MORN1: variants seen among roughly 807,000 people sequenced by gnomAD.
MORN1 encodes MORN repeat-containing protein 1.
MORN1 carries 67 observed loss-of-function variants against 61.9 expected under a neutral mutation model. The ratio of observed to expected loss-of-function variants is 1.08; its 90% CI spans 0.89 to 1.33. MORN1 has a LOEUF of 1.33. MORN1 is among the 40% of genes most tolerant of loss of function. The pLI is 0.00. For missense variants in MORN1, 752 were observed against 691.2 expected (o/e 1.09, Z -0.99); for synonymous variants, 301 against 292.0 (o/e 1.03, Z -0.31).
chr1:2,385,714 G>C (rs1642481248), intron 5 of MORN1, 93 bp downstream of exon 5: 2 of 1,179,832 alleles, frequency 1.7e-6, no homozygotes, highest in Non-Finnish European at 2.5e-6. Context: ...GGTGTCCCAT[G>C]GCAGTCCTGT....
chr1:2,384,934 G>C (rs1642456340), intron 6 of MORN1, 44 bp downstream of exon 6: 1 of 1,502,538 alleles, frequency 6.7e-7, no homozygotes, highest in South Asian at 1.3e-5. Flanking sequence ...CCCACCACGA[G>C]GCCTGTACCC....
At chr1:2,355,686 G>A (rs985910040) in intron 10 of MORN1, among the ~76,000 whole-genome samples, 2 of 152,228 alleles carry the variant, frequency 1.3e-5, no homozygotes, top group African/African-American at 4.8e-5. Flanking sequence ...AGGAGTGCTG[G>A]CCGCTGAGAG....
chr1:2,358,777 C>G lies in MORN1; in HGVS notation c.746-62G>C. The G allele has an allele frequency of 6.4e-6, 10 of 1,551,866 alleles. No homozygotes were observed. In the South Asian group the frequency reaches 1.2e-4, roughly 18 times the overall value. ...GGCACCCAGAAGCGGGGTGCGCGGGCCCGGGGCAGGCTTCTGGGACGCTGT... is the reference window on the plus strand; with the variant it reads ...GGCACCCAGAAGCGGGGTGCGCGGGGCCGGGGCAGGCTTCTGGGACGCTGT... On this transcript the variant is annotated intron_variant, in intron 8 of 13. Coordinates refer to ENST00000378531, the MANE Select transcript of MORN1 (RefSeq NM_024848.3).
intron 8 of MORN1, among the ~76,000 whole-genome samples, chr1:2,359,802 G>A (rs980389585): frequency 1.3e-5 from 2 of 151,590 alleles, no homozygotes; most frequent in Non-Finnish European, 2.9e-5. Context: ...AGAATCGCTT[G>A]AACCCAGGAG....
At chr1:2,383,229 G>A (rs1642411506) in intron 6 of MORN1, among the ~76,000 whole-genome samples, 2 of 152,244 alleles carry the variant, frequency 1.3e-5, no homozygotes, top group East Asian at 1.9e-4. Flanking sequence ...CAGAGAACAA[G>A]GCGGGACTGT....
chr1:2,380,124 T>G (rs1570036695), intron 6 of MORN1, among the ~76,000 whole-genome samples: 1 of 151,902 alleles, frequency 6.6e-6, no homozygotes, highest in African/African-American at 2.4e-5. Flanking sequence ...CCGCGCCGGG[T>G]GAAACAAGCC....
chr1:2,347,749 C>T (rs544208327), intron 10 of MORN1, among the ~76,000 whole-genome samples: 2 of 152,298 alleles, frequency 1.3e-5, no homozygotes, highest in African/African-American at 4.8e-5. Context: ...AGCCTTGAGG[C>T]TCCTGCTCGG....
chr1:2,355,131 C>A (rs781142273), intron 10 of MORN1: 49 of 1,089,618 alleles, frequency 4.5e-5, no homozygotes, highest in Non-Finnish European at 4.7e-5. Flanking sequence ...TGGTTTCAAT[C>A]GAGACTTTGG....
intron 8 of MORN1, among the ~76,000 whole-genome samples, chr1:2,368,971 C>T (rs371275307): frequency 6.7e-5 from 10 of 149,156 alleles, no homozygotes; most frequent in South Asian, 4.2e-4. Flanking sequence ...GCAGGAGAAT[C>T]GCTTGAGCCC....
chr1:2,377,572 CTCT>C (rs1164821708), intron 6 of MORN1: 3 of 152,344 alleles, frequency 2.0e-5, no homozygotes, highest in Admixed American at 1.3e-4. Context: ...GTTGTGAGTG[CTCT>C]TCTTTCTCCC....
intron 10 of MORN1, among the ~76,000 whole-genome samples, chr1:2,353,288 C>T (rs984352968): frequency 3.3e-5 from 5 of 152,268 alleles, no homozygotes; most frequent in African/African-American, 1.2e-4. Flanking sequence ...AGCCTCAGAA[C>T]GCCACCCTTT....
At position 2,357,304 on chromosome 1, in the gene MORN1, GTGA is replaced by G; in HGVS notation, c.1036+125_1036+127del. 1 of 1,026,962 alleles carries G rather than the reference GTGA, an allele frequency of 9.7e-7. No individual in the cohort carries two copies. The highest frequency in any genetic ancestry group is 2.7e-5 in the East Asian group (1 of 37,596). The allele number at this position is 1,026,962 out of a possible 1,614,324, so 63.6% of individuals were successfully genotyped here. ...CGGCCCTGCCTCCTTTCACCCACGC[GTGA>G]TGACTGACCCTGGGTGCGGCTTGCT... is the stretch of plus-strand genomic sequence containing the variant. On this transcript the variant is annotated intron_variant, in intron 10 of 13. Transcript: ENST00000378531. The surrounding 1 kb of genome is among the most constrained non-coding windows in gnomAD (Gnocchi z 6.3).
In MORN1 at chr1:2,321,467, G is replaced by A; in HGVS notation, c.1410C>T (p.Pro470=). Residue 470 remains proline (P), a synonymous_variant, in exon 14 of 14, where the codon CCC becomes CCT. Transcript: ENST00000378531. ...RVVAKRAGQP[P]HVLEEGPEAS... is the part of the protein sequence containing the mutation. ...CTTCAGGGCCTTCTTCCAGGACATG[G>A]GGTGGCTGGCCAGCCCTCTTCGCTA... 6.5e-7 allele frequency: 1 copy of A among 1,537,558 alleles called. No homozygotes were observed. The highest frequency in any genetic ancestry group is 8.8e-7 in the Non-Finnish European group (1 of 1,140,980).
In MORN1 at chr1:2,387,403, C is replaced by A; in HGVS notation, c.358+16G>T. 1 of 1,596,492 alleles carries A rather than the reference C, an allele frequency of 6.3e-7. No homozygotes were observed. On this transcript the variant is annotated intron_variant, in intron 4 of 13. Coordinates refer to ENST00000378531, the MANE Select transcript of MORN1 (RefSeq NM_024848.3). ...GCGCCCACCCTCACAGCACCCGGCT[C>A]CTGTGGGCGCCAGACCTTCCCGCAT...
chr1:2,339,521 C>A (rs1036949594), intron 10 of MORN1, among the ~76,000 whole-genome samples: 11 of 152,194 alleles, frequency 7.2e-5, no homozygotes, highest in Non-Finnish European at 1.5e-5. Context: ...GCCCCTGCAC[C>A]ATATCCTGTG....
intron 6 of MORN1, among the ~76,000 whole-genome samples, chr1:2,384,743 G>A (rs150837723): frequency 1.1e-3 from 170 of 152,318 alleles, no homozygotes; most frequent in African/African-American, 3.8e-3. Flanking sequence ...CTGCCTCTCC[G>A]CGTACCTCCT....
chr1:2,374,657 G>T, intron 6 of MORN1, 100 bp from the exon 7 acceptor site: 2 of 985,940 alleles, frequency 2.0e-6, no homozygotes, highest in Non-Finnish European at 1.5e-6. Context: ...CAGGGCCCCA[G>T]GACCAAAGGC....
intron 13 of MORN1, chr1:2,321,977 A>G: frequency 1.0e-6 from 1 of 971,246 alleles, no homozygotes; most frequent in Non-Finnish European, 1.2e-6. Context: ...CTTTTTTAGG[A>G]GAAAAATAAT....
intron 6 of MORN1, chr1:2,377,603 G>A (rs1220767408): frequency 6.6e-6 from 1 of 152,380 alleles, no homozygotes; most frequent in East Asian, 1.9e-4. Context: ...AGCACTTCTG[G>A]TCCATTCATG....
Sources: gnomAD v4.1 joint callset for allele counts (sites outside exome capture counted in the v4.1 genomes callset) on GRCh38, gnomAD v4.1.1 for gene constraint, Gnocchi (gnomAD v3.1) non-coding constraint, MANE v1.5 for transcripts, NCBI Gene and HGNC (gene_info 2026-07-23, HGNC 2026-07-21) for gene names.